Variants in TENM3 observed in about 807,000 individuals in gnomAD.
The protein encoded by TENM3 is teneurin-3.
A neutral mutation model predicts 255.1 loss-of-function variants in TENM3; 63 were observed. The observed-to-expected ratio is 0.25, with a 90% CI of 0.20 to 0.30. TENM3 has a LOEUF of 0.30. TENM3 is among the 10% of genes least tolerant of loss of function. The pLI, the probability that TENM3 is intolerant of heterozygous loss-of-function variation, is 1.00. For missense variants in TENM3, 2,929 were observed against 3,461.1 expected (o/e 0.85, Z 3.86); for synonymous variants, 1,306 against 1,322.3 (o/e 0.99, Z 0.27).
chr4:181,902,336 C>T, the TENM3 span, among the ~76,000 whole-genome samples: 1 of 152,242 alleles, frequency 6.6e-6, no homozygotes, highest in Admixed American at 6.5e-5. Context: ...GTTTCTTTTG[C>T]TGTGCAGAAG....
At chr4:181,734,764 G>A in the TENM3 span, among the ~76,000 whole-genome samples, 18 of 152,136 alleles carry the variant, frequency 1.2e-4, no homozygotes, top group Non-Finnish European at 2.9e-5. Flanking sequence ...AGCCTTAGCT[G>A]TACCTTAACT....
At chr4:181,894,792 AGAATTCACG>A in the TENM3 span, among the ~76,000 whole-genome samples, 1 of 152,092 alleles carries the variant, frequency 6.6e-6, no homozygotes, top group South Asian at 2.1e-4. Flanking sequence ...ATGATATGTA[AGAATTCACG>A]GATGCCACAG....
intron 3 of TENM3, among the ~76,000 whole-genome samples, chr4:182,584,293 T>C (rs982754700): frequency 2.6e-5 from 4 of 152,208 alleles, no homozygotes; most frequent in Admixed American, 6.5e-5. Flanking sequence ...CAACATGACA[T>C]TGAAGAATTA....
the TENM3 span, among the ~76,000 whole-genome samples, chr4:181,499,394 C>A: frequency 1.3e-5 from 2 of 152,158 alleles, no homozygotes; most frequent in African/African-American, 4.8e-5. Flanking sequence ...AACAATAAAA[C>A]CTAGCATCTA....
the TENM3 span, among the ~76,000 whole-genome samples, chr4:181,606,014 TCCTC>T: frequency 6.6e-6 from 1 of 151,448 alleles, no homozygotes. Context: ...TTCTTTTCCT[TCCTC>T]AGTTCCTCAT....
At chr4:182,552,769 C>A (rs1200143384) in intron 3 of TENM3, among the ~76,000 whole-genome samples, 1 of 152,176 alleles carries the variant, frequency 6.6e-6, no homozygotes, top group African/African-American at 2.4e-5. Flanking sequence ...ACTTGAGAGT[C>A]TAAGAACACA....
the TENM3 span, among the ~76,000 whole-genome samples, chr4:181,605,595 A>AGAGAG: frequency 7.8e-6 from 1 of 127,532 alleles, no homozygotes; most frequent in African/African-American, 2.7e-5. Context: ...GAAAGAAAGA[A>AGAGAG]AGAAAGAAAG....
the TENM3 span, among the ~76,000 whole-genome samples, chr4:182,130,670 A>G: frequency 3.4e-5 from 5 of 148,504 alleles, no homozygotes. Flanking sequence ...AACCATTTAT[A>G]AATCCTGATC....
rs116409969 is a variant in TENM3 at position 182,490,207 on chromosome 4, C to T, written c.512-110717C>T. 5.0e-3 allele frequency among the ~76,000 whole-genome samples: 756 copies of T among 152,230 alleles called. 5 individuals are homozygous for T. The highest frequency in any genetic ancestry group is 7.3e-3 in the Non-Finnish European group (496 of 68,000). On this transcript the variant is annotated intron_variant, in intron 3 of 27. Coordinates refer to ENST00000511685, the MANE Select transcript of TENM3 (RefSeq NM_001080477.4). ...TATCTTTGTAATGATGATGTTGTTA[C>T]GTGAGATACTTGGCCTTTTGAATAA...
At chr4:182,504,710 A>G (rs370610443) in intron 3 of TENM3, among the ~76,000 whole-genome samples, 1 of 152,194 alleles carries the variant, frequency 6.6e-6, no homozygotes, top group Non-Finnish European at 1.5e-5. Context: ...CCTGTTTGCT[A>G]TTTTTGGCAT....
intron 22 of TENM3, among the ~76,000 whole-genome samples, chr4:182,763,274 A>G (rs891188018): frequency 6.6e-6 from 1 of 152,202 alleles, no homozygotes; most frequent in Admixed American, 6.5e-5. Context: ...AACTCAAGAA[A>G]AGATGGGGGC....
chr4:182,098,139 T>A, the TENM3 span, among the ~76,000 whole-genome samples: 1 of 152,192 alleles, frequency 6.6e-6, no homozygotes, highest in Non-Finnish European at 1.5e-5. Context: ...TGAGATATTA[T>A]CCCATTCCAG....
chr4:182,009,547 C>G, the TENM3 span, among the ~76,000 whole-genome samples: 1 of 152,208 alleles, frequency 6.6e-6, no homozygotes, highest in Non-Finnish European at 1.5e-5. Context: ...GGGGACAAGT[C>G]TTGGGACCAA....
chr4:181,512,863 C>A, the TENM3 span, among the ~76,000 whole-genome samples: 40 of 152,316 alleles, frequency 2.6e-4, no homozygotes, highest in African/African-American at 9.1e-4. Context: ...GCCCAGAATG[C>A]ATATTAGACG....
intron 24 of TENM3, among the ~76,000 whole-genome samples, chr4:182,780,077 A>G (rs1765043835): frequency 6.6e-6 from 1 of 151,714 alleles, no homozygotes; most frequent in Admixed American, 6.6e-5. Flanking sequence ...CCATTTGTCA[A>G]TTTTGGCTTT....
At chr4:181,637,702 C>T in the TENM3 span, among the ~76,000 whole-genome samples, 1 of 152,182 alleles carries the variant, frequency 6.6e-6, no homozygotes, top group African/African-American at 2.4e-5. Flanking sequence ...GTGAGAGGGA[C>T]ACAGACATTG....
At chr4:181,730,463 A>G in the TENM3 span, among the ~76,000 whole-genome samples, 5 of 152,140 alleles carry the variant, frequency 3.3e-5, no homozygotes, top group African/African-American at 1.2e-4. Context: ...CTGGCCTCCA[A>G]CCTGTAGGTA....
At chr4:181,603,112 A>T in the TENM3 span, among the ~76,000 whole-genome samples, 1 of 152,124 alleles carries the variant, frequency 6.6e-6, no homozygotes, top group African/African-American at 2.4e-5. Context: ...TCAACATGCA[A>T]CTCCTAGGAA....
chr4:182,600,841 C>T, intron 3 of TENM3, 83 bp from the exon 4 acceptor site: 1 of 651,920 alleles, frequency 1.5e-6, no homozygotes, highest in Non-Finnish European at 2.4e-6. Flanking sequence ...TGCAGTGGAT[C>T]CCCAAGAAAT....
Sources: allele counts gnomAD v4.1 joint callset (sites outside exome capture counted in the v4.1 genomes callset), GRCh38; gene constraint gnomAD v4.1.1; transcripts MANE v1.5; gene names NCBI Gene and HGNC (gene_info 2026-07-23, HGNC 2026-07-21).